The following ZNF77 variants were observed in gnomAD, a reference collection of about 807,000 sequenced individuals.
The protein encoded by ZNF77 is ZNFpT1.
A neutral mutation model predicts 13.5 loss-of-function variants in ZNF77; 15 were observed. The ratio of observed to expected loss-of-function variants is 1.11; its 90% CI spans 0.74 to 1.71. The LOEUF (loss-of-function observed/expected upper bound fraction) is 1.71. ZNF77 is among the 40% of genes most tolerant of loss of function. The pLI is 0.00. For missense variants in ZNF77, 717 were observed against 676.4 expected, an observed-to-expected ratio of 1.06 and a Z score of -0.67; for synonymous variants, 282 against 250.0, an observed-to-expected ratio of 1.13 and a Z score of -1.21.
intron 1 of ZNF77, among the ~76,000 whole-genome samples, chr19:2,943,303 T>C (rs1419777196): frequency 6.6e-6 from 1 of 150,496 alleles, no homozygotes; most frequent in East Asian, 2.0e-4. Flanking sequence ...CAGCCCCTTC[T>C]CCCCCTCCCC....
chr19:2,933,701 C>A lies in ZNF77; in HGVS notation c.1426G>T (p.Ala476Ser). 6.2e-7 allele frequency: 1 copy of A among 1,611,224 alleles called. No individual in the cohort carries two copies. The highest frequency in any genetic ancestry group is 1.3e-5 in the African/African-American group (1 of 74,978). Residue 476 changes from alanine to serine, a missense_variant, in exon 4 of 4, where the codon GCT becomes TCT. Transcript: ENST00000314531. ...CNQCGKAFSH[A>S]QYFQKHVRSH... ...CTCACATGCTTTTGAAAGTACTGAG[C>A]GTGGCTGAAGGCTTTCCCACATTGA...
At position 2,934,774 on chromosome 19, in the gene ZNF77, T is replaced by C. The variant is rs1234857850; in HGVS notation, c.353A>G (p.Gln118Arg). 2 of 1,613,638 alleles carry C rather than the reference T, an allele frequency of 1.2e-6. No individual in the cohort carries two copies. The highest frequency in any genetic ancestry group is 8.5e-7 in the Non-Finnish European group (1 of 1,179,638). Residue 118 changes from glutamine to arginine, a missense_variant, in exon 4 of 4, where the codon CAA (glutamine) becomes CGA (arginine). By Grantham distance (43) the Gln-to-Arg change is conservative. Coordinates refer to ENST00000314531, the MANE Select transcript of ZNF77 (RefSeq NM_021217.3). ...AGTCTGGCTCAAGGTCTCTCCGCAT[T>C]GATGACCTTCATTACTTTCACAGAG... ...GRLCESNEGH[Q>R]CGETLSQTAN...
chr19:2,941,844 T>G (rs1333200115), intron 1 of ZNF77, among the ~76,000 whole-genome samples: 1 of 152,090 alleles, frequency 6.6e-6, no homozygotes, highest in Admixed American at 6.6e-5. Context: ...TTCATGAATG[T>G]TTTCAATCCA....
Position 2,933,393 on chromosome 19 carries a change from C to T in ZNF77, c.*96G>A, listed in dbSNP as rs939648611. 2 of 1,430,108 alleles carry T rather than the reference C, an allele frequency of 1.4e-6. No individual in the cohort carries two copies. The highest frequency in any genetic ancestry group is 1.9e-6 in the Non-Finnish European group (2 of 1,073,752). The allele number at this position is 1,430,108 out of a possible 1,614,324, so 88.6% of individuals were successfully genotyped here. The stretch of plus-strand genomic sequence containing the variant: ...TTTAGGTACAAAATAAGTGCTATAC[C>T]AGGTTTTCCTACATGCTCTACATAA... On this transcript the variant is annotated 3_prime_UTR_variant, in exon 4 of 4. Transcript: ENST00000314531.
intron 1 of ZNF77, among the ~76,000 whole-genome samples, chr19:2,943,033 C>A (rs552890967): frequency 2.6e-5 from 4 of 152,274 alleles, no homozygotes; most frequent in African/African-American, 9.6e-5. Context: ...CCACCTGCCT[C>A]AGCCTCCCAA....
At chr19:2,943,444 C>T (rs2088468099) in intron 1 of ZNF77, among the ~76,000 whole-genome samples, 1 of 152,062 alleles carries the variant, frequency 6.6e-6, no homozygotes, top group African/African-American at 2.4e-5. Flanking sequence ...TCTCCGCAGG[C>T]CCCTGAACTT....
In ZNF77 at chr19:2,939,993, A is replaced by C. The variant is rs1026774250; in HGVS notation, c.4-586T>G. ...AGACCCAATCTCAAAAAAATAAAAT[A>C]AATCAATCATTCAGGTAACATGGAA... On this transcript the variant is annotated intron_variant, in intron 1 of 3. Transcript: ENST00000314531. 1.6e-4 allele frequency among the ~76,000 whole-genome samples: 24 copies of C among 151,994 alleles called. 1 individual carries two copies. Among genetic ancestry groups the C allele is most frequent in the African/African-American group, 5.1e-4 (21 of 41,378 alleles).
At chr19:2,941,412 G>A (rs1003268922) in intron 1 of ZNF77, among the ~76,000 whole-genome samples, 3 of 152,002 alleles carry the variant, frequency 2.0e-5, no homozygotes, top group Admixed American at 1.3e-4. Flanking sequence ...CAGAGGCAGA[G>A]GTTGCAGTGA....
chr19:2,934,083 T>A lies in ZNF77; in HGVS notation c.1044A>T (p.Gly348=). ...SLREHGRTHS[G]EKPYECKECG... is the part of the protein sequence containing the mutation. Reference sequence around the variant, plus strand: ...ATTCCTTACATTCATAGGGTTTCTCTCCACTGTGCGTTCTCCCATGTTCTC... The same window carrying A: ...ATTCCTTACATTCATAGGGTTTCTCACCACTGTGCGTTCTCCCATGTTCTC... Residue 348 remains glycine (G), a synonymous_variant, in exon 4 of 4, where the codon GGA becomes GGT. Transcript: ENST00000314531. 1 of 1,614,094 alleles carries A rather than the reference T, an allele frequency of 6.2e-7. No individual in the cohort carries two copies. The highest frequency in any genetic ancestry group is 8.5e-7 in the Non-Finnish European group (1 of 1,180,016).
In ZNF77 at chr19:2,934,297, A is replaced by C. The variant is rs1288456293; in HGVS notation, c.830T>G (p.Phe277Cys). 6.2e-7 allele frequency: 1 copy of C among 1,612,820 alleles called. No homozygotes were observed. The highest frequency in any genetic ancestry group is 2.2e-5 in the East Asian group (1 of 44,824). ...PYECKECGKA[F>C]SCPSYFREHV... Reference sequence around the variant, plus strand: ...TTCTCGAAAGTATGAGGGACAGCTGAAGGCTTTCCCACACTCCTTACACTC... The same window carrying C: ...TTCTCGAAAGTATGAGGGACAGCTGCAGGCTTTCCCACACTCCTTACACTC... Residue 277 changes from phenylalanine (F) to cysteine (C), a missense_variant, in exon 4 of 4, where the codon TTC becomes TGC. Coordinates refer to ENST00000314531, the MANE Select transcript of ZNF77 (RefSeq NM_021217.3).
chr19:2,942,493 G>A (rs2088458920), intron 1 of ZNF77, among the ~76,000 whole-genome samples: 1 of 151,032 alleles, frequency 6.6e-6, no homozygotes, highest in African/African-American at 2.4e-5. Flanking sequence ...CAAGTGGCTG[G>A]GACCACAGGT....
At chr19:2,944,018 T>C (rs1353224301) in intron 1 of ZNF77, among the ~76,000 whole-genome samples, 1 of 151,860 alleles carries the variant, frequency 6.6e-6, no homozygotes, top group Non-Finnish European at 1.5e-5. Flanking sequence ...CCCAGGATTT[T>C]ATTATTTGAC....
intron 1 of ZNF77, among the ~76,000 whole-genome samples, chr19:2,941,751 G>C (rs1243899359): frequency 6.6e-6 from 1 of 152,222 alleles, no homozygotes; most frequent in Non-Finnish European, 1.5e-5. Flanking sequence ...ATGCGCATCT[G>C]TCTGATGCGC....
chr19:2,944,819 G>A lies in ZNF77; in HGVS notation c.3+19C>T. 1 of 1,515,826 alleles carries A rather than the reference G, an allele frequency of 6.6e-7. No individual in the cohort carries two copies. The highest frequency in any genetic ancestry group is 1.4e-5 in the African/African-American group (1 of 70,576). 93.9% of individuals were successfully genotyped at this position (1,515,826 alleles called of 1,614,324 possible). ...CCACCTCGCCCTGGGCCCGGGCTCG[G>A]CTCCCGCCCGGCACTCACCATGTCC... On this transcript the variant is annotated intron_variant, in intron 1 of 3. Transcript: ENST00000314531.
Position 2,933,828 on chromosome 19 carries a change from C to T in ZNF77, c.1299G>A (p.Glu433=), listed in dbSNP as rs746608764. 42 of 1,613,326 alleles carry T rather than the reference C, an allele frequency of 2.6e-5. No homozygotes were observed. The highest frequency in any genetic ancestry group is 3.3e-5 in the Non-Finnish European group (39 of 1,179,428). ...CACAATGCTTACACTCAAAGGGCTT[C>T]TCTCCAGTATGCGTCCTCACGTGGA... ...LRIHVRTHTG[E]KPFECKHCGK... is the part of the protein sequence containing the mutation. Residue 433 remains glutamate (E), a synonymous_variant, in exon 4 of 4, where the codon GAG becomes GAA. Coordinates refer to ENST00000314531, the MANE Select transcript of ZNF77 (RefSeq NM_021217.3).
chr19:2,937,224 C>G (rs892826437), intron 2 of ZNF77, among the ~76,000 whole-genome samples: 3 of 152,248 alleles, frequency 2.0e-5, no homozygotes, highest in African/African-American at 7.2e-5. Context: ...TGGCTCACGC[C>G]TGTAATCCCT....
intron 1 of ZNF77, among the ~76,000 whole-genome samples, chr19:2,940,210 AAGG>A (rs1003982186): frequency 5.3e-5 from 8 of 152,112 alleles, no homozygotes; most frequent in African/African-American, 1.9e-4. Context: ...GAAGAAAAGC[AAGG>A]AGATTATTTC....
At chr19:2,937,669 T>C (rs4807373) in intron 2 of ZNF77, among the ~76,000 whole-genome samples, 139,927 of 152,064 alleles carry the variant, frequency 0.92, 64,922 homozygotes, top group Middle Eastern at 0.96. Context: ...AGGAGGACAG[T>C]GCAGGGGGGT....
chr19:2,934,537 G>T lies in ZNF77; in HGVS notation c.590C>A (p.Thr197Lys). Residue 197 changes from threonine (T) to lysine (K), a missense_variant, in exon 4 of 4, where the codon ACA becomes AAA. Thr to Lys is a moderately conservative substitution (Grantham distance 78, BLOSUM62 -1). Transcript: ENST00000314531. ...ACTTTTCACGTATGTCACAGATGCTGTCCTTGAGTCCTGGCAATTACAGGG... is the reference window on the plus strand; with the variant it reads ...ACTTTTCACGTATGTCACAGATGCTTTCCTTGAGTCCTGGCAATTACAGGG... ...EKPCNCQDSR[T>K]ASVTYVKSLS... 6.2e-7 allele frequency: 1 copy of T among 1,614,182 alleles called. No individual in the cohort carries two copies. The highest frequency in any genetic ancestry group is 8.5e-7 in the Non-Finnish European group (1 of 1,180,034).
Sources: gnomAD v4.1 joint callset for allele counts (sites outside exome capture counted in the v4.1 genomes callset) on GRCh38, gnomAD v4.1.1 for gene constraint, MANE v1.5 for transcripts, NCBI Gene and HGNC (gene_info 2026-07-23, HGNC 2026-07-21) for gene names.